The following SSPN variants were observed in gnomAD, a reference collection of about 807,000 sequenced individuals.
The protein encoded by SSPN is sarcospan.
In SSPN, 15 loss-of-function variants were observed where a neutral mutation model predicts 19.1. The ratio of observed to expected loss-of-function variants is 0.78; its 90% CI spans 0.52 to 1.21. SSPN has a LOEUF of 1.21. Ranked by LOEUF, SSPN falls within the 50% of genes most tolerant of loss-of-function variation. The probability of loss-of-function intolerance (pLI) is 0.00; values close to 1 mark genes in which losing one functional copy is unlikely to be tolerated. For missense variants in SSPN, 291 were observed against 314.0 expected, an observed-to-expected ratio of 0.93 and a Z score of 0.55; for synonymous variants, 147 against 140.3, an observed-to-expected ratio of 1.05 and a Z score of -0.34.
intron 1 of SSPN, among the ~76,000 whole-genome samples, chr12:26,132,399 T>A (rs1401009950): frequency 1.3e-5 from 2 of 152,208 alleles, no homozygotes; most frequent in Admixed American, 6.5e-5. Flanking sequence ...ACTAAGAAAG[T>A]GGAATAATTA....
intron 1 of SSPN, among the ~76,000 whole-genome samples, chr12:26,212,563 AC>A (rs932523013): frequency 6.6e-6 from 1 of 151,848 alleles, no homozygotes; most frequent in African/African-American, 2.4e-5. Context: ...CGAAACCCAA[AC>A]CCCTCGTGGG....
intron 1 of SSPN, among the ~76,000 whole-genome samples, chr12:26,157,451 A>G (rs960740786): frequency 3.3e-5 from 5 of 152,196 alleles, no homozygotes; most frequent in African/African-American, 7.2e-5. Flanking sequence ...ACTTTGGTCC[A>G]TTTAAATTGG....
chr12:26,227,176 T>C (rs923904060), intron 2 of SSPN, among the ~76,000 whole-genome samples: 1 of 152,206 alleles, frequency 6.6e-6, no homozygotes, highest in Non-Finnish European at 1.5e-5. Context: ...AAATTACAGA[T>C]TCTAACCCAG....
At chr12:26,141,969 G>A (rs1184887604) in intron 1 of SSPN, among the ~76,000 whole-genome samples, 1 of 152,132 alleles carries the variant, frequency 6.6e-6, no homozygotes, top group African/African-American at 2.4e-5. Context: ...GCTCTCCAGA[G>A]GAATTACTAT....
At chr12:26,164,728 T>G (rs969529355) in intron 1 of SSPN, among the ~76,000 whole-genome samples, 6 of 152,262 alleles carry the variant, frequency 3.9e-5, no homozygotes, top group African/African-American at 1.4e-4. Context: ...ATTTTATATT[T>G]GTAGCTATTA....
In SSPN at chr12:26,163,681, A is replaced by G. The variant is rs112886371; in HGVS notation, c.-31+41529A>G. On this transcript the variant is annotated intron_variant, in intron 1 of 2. Coordinates refer to the SSPN transcript ENST00000538142. ...AGCAGTCATGGCTTATTCACCTCTT[A>G]AAGGCCCCACCTCTTAATATTATCA... is the stretch of plus-strand genomic sequence containing the variant. Among the ~76,000 whole-genome samples the G allele has an allele frequency of 4.7e-3, 721 of 152,338 alleles. 3 individuals carry two copies. The highest frequency in any genetic ancestry group is 0.016 in the African/African-American group (675 of 41,584).
intron 1 of SSPN, among the ~76,000 whole-genome samples, chr12:26,160,148 C>A (rs962121064): frequency 6.6e-6 from 1 of 152,182 alleles, no homozygotes; most frequent in Non-Finnish European, 1.5e-5. Flanking sequence ...TTGGAGCAGG[C>A]ACTGCACTGT....
intron 1 of SSPN, among the ~76,000 whole-genome samples, chr12:26,159,270 A>G (rs960459370): frequency 2.0e-5 from 3 of 152,262 alleles, no homozygotes; most frequent in African/African-American, 4.8e-5. Context: ...GAGGGGCCCC[A>G]AGGCAAACTC....
At chr12:26,221,322 T>A (rs1945118244) in intron 1 of SSPN, among the ~76,000 whole-genome samples, 1 of 152,354 alleles carries the variant, frequency 6.6e-6, no homozygotes, top group East Asian at 1.9e-4. Flanking sequence ...TGGGTATTCC[T>A]ATAGCAGATG....
chr12:26,201,388 A>T (rs1202844447), intron 1 of SSPN, among the ~76,000 whole-genome samples: 1 of 151,956 alleles, frequency 6.6e-6, no homozygotes, highest in Non-Finnish European at 1.5e-5. Context: ...AGAAAAAAAA[A>T]AAAAGAATTT....
chr12:26,167,371 T>C (rs1018777858), intron 1 of SSPN, among the ~76,000 whole-genome samples: 6 of 151,980 alleles, frequency 3.9e-5, no homozygotes, highest in Non-Finnish European at 7.4e-5. Flanking sequence ...AGCAGCAGAG[T>C]GTATAAAAGG....
chr12:26,225,406 G>A (rs1252349537), intron 2 of SSPN, among the ~76,000 whole-genome samples: 1 of 151,884 alleles, frequency 6.6e-6, no homozygotes, highest in African/African-American at 2.4e-5. Context: ...TTAAAAAGCT[G>A]GTTACACAAA....
intron 1 of SSPN, among the ~76,000 whole-genome samples, chr12:26,175,931 G>A (rs1362661754): frequency 6.6e-6 from 1 of 151,586 alleles, no homozygotes; most frequent in African/African-American, 2.4e-5. Context: ...CTGCCTCCAA[G>A]GTGCAAGCAA....
intron 1 of SSPN, among the ~76,000 whole-genome samples, chr12:26,127,986 A>G (rs138009926): frequency 9.9e-5 from 15 of 152,240 alleles, no homozygotes; most frequent in Middle Eastern, 3.2e-3. Flanking sequence ...AATCATTTCC[A>G]CAACCCTCTA....
In SSPN at chr12:26,182,968, G is replaced by C. The variant is rs553497290; in HGVS notation, c.-30-41325G>C. 1.4e-4 allele frequency among the ~76,000 whole-genome samples: 21 copies of C among 152,032 alleles called. No homozygotes were observed. The South Asian group carries it at 4.2e-3, about 30-fold the overall frequency. Reference sequence around the variant, plus strand: ...TTTAGTAGAGACAGAATTTTACCTTGTTGGCCAGGCTAGTCTCAAACTCTT... The same window carrying C: ...TTTAGTAGAGACAGAATTTTACCTTCTTGGCCAGGCTAGTCTCAAACTCTT... On this transcript the variant is annotated intron_variant, in intron 1 of 2. Coordinates refer to the SSPN transcript ENST00000538142.
In SSPN at chr12:26,206,560, A is replaced by G. The variant is rs1374315011; in HGVS notation, c.279+10609A>G. ...TGCAGTCATTTCTAGAATGGGACCT[A>G]ATTTGAGAACTGACTTAATTATGGC... On this transcript the variant is annotated intron_variant, in intron 1 of 2. Coordinates refer to ENST00000242729, the MANE Select transcript of SSPN (RefSeq NM_005086.5). Among the ~76,000 whole-genome samples the G allele has an allele frequency of 2.0e-5, 3 of 152,176 alleles. No individual in the cohort carries two copies. The East Asian group carries it at 5.8e-4, about 29-fold the overall frequency.
Position 26,230,861 on chromosome 12 carries a change from A to G in SSPN, c.517A>G (p.Ser173Gly). 6.2e-7 allele frequency: 1 copy of G among 1,614,184 alleles called. No individual in the cohort carries two copies. Among genetic ancestry groups the G allele is most frequent in the Non-Finnish European group, 8.5e-7 (1 of 1,180,028 alleles). ...QCKLPSSEPL[S>G]RTFVYRDVTD... is the part of the protein sequence containing the mutation. ...CAAACTGCCCTCCTCGGAGCCGCTC[A>G]GCAGGACCTTTGTTTACCGGGATGT... The change falls in exon 3 of 3, where the codon AGC (serine) becomes GGC (glycine). Residue 173 changes from serine to glycine, a missense_variant. Around this residue, in one of 3 missense-constraint regions of SSPN, gnomAD observed 141 missense variants for 166.7 expected, o/e 0.85. Coordinates refer to ENST00000242729, the MANE Select transcript of SSPN (RefSeq NM_005086.5).
chr12:26,154,606 CT>C (rs1944545367), intron 1 of SSPN, among the ~76,000 whole-genome samples: 1 of 152,094 alleles, frequency 6.6e-6, no homozygotes, highest in African/African-American at 2.4e-5. Flanking sequence ...AATTAAGGGA[CT>C]TTGGGGAAGT....
chr12:26,191,581 T>C (rs1182611978), upstream of SSPN, among the ~76,000 whole-genome samples: 1 of 152,084 alleles, frequency 6.6e-6, no homozygotes, highest in Non-Finnish European at 1.5e-5. Context: ...AATGGGTCAA[T>C]TCTGCTGAGA....
Sources: allele counts gnomAD v4.1 joint callset (sites outside exome capture counted in the v4.1 genomes callset), GRCh38; gene constraint gnomAD v4.1.1; regional missense constraint gnomAD v4.1.1; transcripts MANE v1.5; gene names NCBI Gene and HGNC (gene_info 2026-07-23, HGNC 2026-07-21).